The following RAB3GAP1 variants were observed in gnomAD, a reference collection of about 807,000 sequenced individuals.
RAB3GAP1 encodes the protein RAB3 GTPase activating protein catalytic subunit 1, also known as rab3 GTPase-activating protein catalytic subunit.
Under a neutral mutation model 130.7 loss-of-function variants are expected in RAB3GAP1, and 86 were observed. The observed-to-expected ratio is 0.66, with a 90% CI of 0.55 to 0.79. RAB3GAP1 has a LOEUF of 0.79. Among genes scored for constraint, RAB3GAP1 ranks in the 30% least tolerant of loss-of-function variants. The probability of loss-of-function intolerance (pLI) is 0.00; values close to 1 mark genes in which losing one functional copy is unlikely to be tolerated. For synonymous variants in RAB3GAP1, 367 were observed against 401.7 expected, an observed-to-expected ratio of 0.91 and a Z score of 1.03; for missense variants, 1,029 against 1,169.4, an observed-to-expected ratio of 0.88 and a Z score of 1.75.
intron 8 of RAB3GAP1, among the ~76,000 whole-genome samples, chr2:135,122,709 T>C: frequency 6.6e-6 from 1 of 152,122 alleles, no homozygotes; most frequent in East Asian, 1.9e-4. Context: ...ACAATTATTA[T>C]TATCTTTTGT....
intron 17 of RAB3GAP1, among the ~76,000 whole-genome samples, chr2:135,147,305 C>CTTCA (rs1692027681): frequency 8.0e-5 from 12 of 150,128 alleles, no homozygotes; most frequent in Admixed American, 3.3e-4. Flanking sequence ...GAGATCGCAC[C>CTTCA]GCTGCACTTC....
chr2:135,117,555 T>TGCTTCTTCTTCTG lies in RAB3GAP1; in HGVS notation c.648+2174_648+2175insGCTTCTTCTTCTG, dbSNP rs1558784340. 1.4e-3 allele frequency among the ~76,000 whole-genome samples: 127 copies of TGCTTCTTCTTCTG among 88,348 alleles called. 1 individual carries two copies. The highest frequency in any genetic ancestry group is 4.9e-3 in the African/African-American group (121 of 24,818). The allele number at this position is 88,348 out of a possible 152,430, so 58.0% of individuals were successfully genotyped here. ...TGCTTCTTCTTCTGCTTCTTCTTCTTCTGCTTCTTCTTCTGCTTCTTCTTC... is the reference window on the plus strand; with the variant it reads ...TGCTTCTTCTTCTGCTTCTTCTTCTTGCTTCTTCTTCTGCTGCTTCTTCTTCTGCTTCTTCTTC... On this transcript the variant is annotated intron_variant, in intron 7 of 23. Transcript: ENST00000264158.
chr2:135,105,804 C>T (rs565486991), intron 5 of RAB3GAP1, among the ~76,000 whole-genome samples: 20 of 151,710 alleles, frequency 1.3e-4, no homozygotes, highest in African/African-American at 4.1e-4. Flanking sequence ...TCTGCCTGGC[C>T]GCCCATCGTC....
At chr2:135,060,798 C>T (rs951923941) in intron 3 of RAB3GAP1, among the ~76,000 whole-genome samples, 6 of 151,960 alleles carry the variant, frequency 3.9e-5, no homozygotes, top group Admixed American at 3.3e-4. Context: ...CTCTGCCTCC[C>T]GGGTTCAAGC....
chr2:135,117,064 C>T (rs779828313), intron 7 of RAB3GAP1, among the ~76,000 whole-genome samples: 1 of 152,028 alleles, frequency 6.6e-6, no homozygotes, highest in East Asian at 1.9e-4. Flanking sequence ...AATGCATTTA[C>T]GAGATTAGGA....
intron 7 of RAB3GAP1, among the ~76,000 whole-genome samples, chr2:135,117,570 G>GCTTCTT (rs1289347100): frequency 2.9e-4 from 6 of 20,914 alleles, no homozygotes; most frequent in Admixed American, 4.9e-4. Flanking sequence ...TTCTTCTTCT[G>GCTTCTT]CTTCTTCTTC....
chr2:135,069,544 G>T (rs1689411278), intron 3 of RAB3GAP1, among the ~76,000 whole-genome samples: 2 of 152,054 alleles, frequency 1.3e-5, no homozygotes, highest in Non-Finnish European at 1.5e-5. Flanking sequence ...AAAAATGGTT[G>T]TTGAGAATTT....
At chr2:135,099,538 T>A (rs1241393617) in intron 5 of RAB3GAP1, among the ~76,000 whole-genome samples, 1 of 151,984 alleles carries the variant, frequency 6.6e-6, no homozygotes, top group African/African-American at 2.4e-5. Flanking sequence ...TCATGTGGGA[T>A]GTTGGTCTGT....
intron 3 of RAB3GAP1, among the ~76,000 whole-genome samples, chr2:135,080,783 T>C (rs1689771975): frequency 6.6e-6 from 1 of 152,204 alleles, no homozygotes; most frequent in African/African-American, 2.4e-5. Context: ...CAAGTTCCCC[T>C]TTGTTTCTGA....
intron 17 of RAB3GAP1, among the ~76,000 whole-genome samples, chr2:135,144,322 G>A (rs1224088673): frequency 1.3e-5 from 2 of 150,818 alleles, no homozygotes; most frequent in African/African-American, 5.0e-5. Context: ...CCCACCTGAA[G>A]TCGGGTGGTT....
intron 3 of RAB3GAP1, among the ~76,000 whole-genome samples, chr2:135,080,818 A>G (rs1008158792): frequency 2.6e-5 from 4 of 152,128 alleles, no homozygotes; most frequent in African/African-American, 9.7e-5. Context: ...ATGAAAGTCA[A>G]AAGTTGCGTA....
At chr2:135,071,871 T>C (rs755231261) in intron 3 of RAB3GAP1, among the ~76,000 whole-genome samples, 3 of 152,234 alleles carry the variant, frequency 2.0e-5, no homozygotes, top group Non-Finnish European at 4.4e-5. Flanking sequence ...TAGGTCATTG[T>C]CCTGGATTGT....
chr2:135,108,705 G>T (rs1396070438), intron 5 of RAB3GAP1, among the ~76,000 whole-genome samples: 1 of 152,050 alleles, frequency 6.6e-6, no homozygotes, highest in African/African-American at 2.4e-5. Context: ...GAAGTCTAGC[G>T]TATCAGTTTG....
chr2:135,168,207 T>A (rs1558808900), intron 23 of RAB3GAP1, among the ~76,000 whole-genome samples: 2 of 152,200 alleles, frequency 1.3e-5, no homozygotes, highest in Non-Finnish European at 2.9e-5. Context: ...CTGTCAGACG[T>A]AGACTTGGGT....
At chr2:135,154,869 A>T (rs533692049) in intron 19 of RAB3GAP1, among the ~76,000 whole-genome samples, 2 of 152,288 alleles carry the variant, frequency 1.3e-5, no homozygotes, top group South Asian at 4.1e-4. Flanking sequence ...AAACAAGACA[A>T]CCAGCCTCCC....
intron 17 of RAB3GAP1, among the ~76,000 whole-genome samples, chr2:135,138,771 G>A (rs1691753412): frequency 6.6e-6 from 1 of 151,816 alleles, no homozygotes; most frequent in African/African-American, 2.4e-5. Context: ...ACCATGCCAG[G>A]CTGATTTTTT....
At chr2:135,077,793 A>G (rs1368483361) in intron 3 of RAB3GAP1, among the ~76,000 whole-genome samples, 2 of 152,192 alleles carry the variant, frequency 1.3e-5, no homozygotes, top group Non-Finnish European at 2.9e-5. Flanking sequence ...CATTTCTCCA[A>G]TAATTAGTGA....
chr2:135,141,037 C>T (rs1248171657), intron 17 of RAB3GAP1, among the ~76,000 whole-genome samples: 2 of 151,802 alleles, frequency 1.3e-5, no homozygotes, highest in Non-Finnish European at 2.9e-5. Context: ...TTTCCTGAAG[C>T]ATATATATAT....
At chr2:135,086,206 T>C (rs918504835) in intron 3 of RAB3GAP1, among the ~76,000 whole-genome samples, 5 of 152,230 alleles carry the variant, frequency 3.3e-5, no homozygotes, top group African/African-American at 1.2e-4. Flanking sequence ...TCTGTAGATA[T>C]CTGCTTTCCT....
Sources: gnomAD v4.1 joint callset for allele counts (sites outside exome capture counted in the v4.1 genomes callset) on GRCh38, gnomAD v4.1.1 for gene constraint, MANE v1.5 for transcripts, NCBI Gene and HGNC (gene_info 2026-07-23, HGNC 2026-07-21) for gene names.